Variants in APBB1IP observed in about 807,000 individuals in gnomAD.
The protein encoded by APBB1IP is amyloid beta precursor protein binding family B member 1 interacting protein.
A neutral mutation model predicts 64.9 loss-of-function variants in APBB1IP; 27 were observed. That is an observed-to-expected ratio of 0.42 (90% CI 0.31 to 0.57). The LOEUF (loss-of-function observed/expected upper bound fraction) is 0.57, where lower values mean the gene tolerates loss of function less well. Among genes scored for constraint, APBB1IP ranks in the 20% least tolerant of loss-of-function variants. The probability of loss-of-function intolerance (pLI) is 0.20; values close to 1 mark genes in which losing one functional copy is unlikely to be tolerated. For synonymous variants in APBB1IP, 392 were observed against 331.0 expected (o/e 1.18, Z -2.00); for missense variants, 812 against 845.5 (o/e 0.96, Z 0.49).
chr10:26,455,252 G>A (rs1205434370), intron 2 of APBB1IP, among the ~76,000 whole-genome samples: 8 of 152,180 alleles, frequency 5.3e-5, no homozygotes, highest in Non-Finnish European at 1.0e-4. Flanking sequence ...AGTCAGGCCT[G>A]GGCACAGTGG....
At chr10:26,559,988 T>C in intron 11 of APBB1IP, 117 bp from the exon 12 acceptor site, 1 of 796,240 alleles carries the variant, frequency 1.3e-6, no homozygotes, top group South Asian at 1.5e-5. Context: ...CAACCAGTAA[T>C]TTTTGCCACA....
At chr10:26,502,024 A>G (rs934766797) in intron 5 of APBB1IP, 1 of 152,250 alleles carries the variant, frequency 6.6e-6, no homozygotes, top group African/African-American at 2.4e-5. Context: ...TGTATGGTCC[A>G]TGAAGATTTC....
At chr10:26,505,401 C>T (rs558709023) in intron 6 of APBB1IP, among the ~76,000 whole-genome samples, 68 of 152,178 alleles carry the variant, frequency 4.5e-4, no homozygotes, top group Admixed American at 9.2e-4. Context: ...TGGAACTCCA[C>T]GTCCTCATCT....
chr10:26,552,716 A>G (rs767501753), intron 11 of APBB1IP, among the ~76,000 whole-genome samples: 4 of 152,142 alleles, frequency 2.6e-5, no homozygotes, highest in Non-Finnish European at 4.4e-5. Context: ...TTCTAAATTT[A>G]TCCCACGCAG....
intron 6 of APBB1IP, among the ~76,000 whole-genome samples, chr10:26,505,157 C>T (rs571933027): frequency 6.4e-4 from 97 of 152,272 alleles, no homozygotes; most frequent in African/African-American, 2.0e-3. Context: ...TAGGGCTTTA[C>T]GCTTTCTATT....
chr10:26,467,126 G>T (rs540569864), intron 2 of APBB1IP, among the ~76,000 whole-genome samples: 228 of 151,874 alleles, frequency 1.5e-3, no homozygotes, highest in Non-Finnish European at 1.8e-3. Flanking sequence ...GGCTGGTCTC[G>T]AACTCCTGGC....
chr10:26,518,549 T>A (rs1227461938), intron 8 of APBB1IP, among the ~76,000 whole-genome samples: 31 of 152,234 alleles, frequency 2.0e-4, no homozygotes, highest in Admixed American at 2.0e-3. Context: ...GTATGAGAAT[T>A]CCTGTTGTTC....
At chr10:26,471,928 C>T (rs955620263) in intron 2 of APBB1IP, among the ~76,000 whole-genome samples, 1 of 152,170 alleles carries the variant, frequency 6.6e-6, no homozygotes, top group East Asian at 1.9e-4. Flanking sequence ...CATGATCCGC[C>T]CTCCTCGGCC....
At chr10:26,508,036 C>T (rs1035664433) in intron 6 of APBB1IP, among the ~76,000 whole-genome samples, 6 of 152,170 alleles carry the variant, frequency 3.9e-5, no homozygotes, top group Admixed American at 2.0e-4. Context: ...AAGAAAATTA[C>T]GAAGACAAGT....
At chr10:26,496,263 T>C in intron 3 of APBB1IP, 41 bp from the exon 4 acceptor site, 1 of 1,451,996 alleles carries the variant, frequency 6.9e-7, no homozygotes, top group Non-Finnish European at 9.7e-7. Flanking sequence ...CAGAAATGTT[T>C]GTATCATGAA....
rs1251398677 is a variant in APBB1IP at position 26,536,596 on chromosome 10, T to TC, written c.1044+379_1044+380insC. 6.0e-5 allele frequency among the ~76,000 whole-genome samples: 9 copies of TC among 151,202 alleles called. 1 individual carries two copies. Among genetic ancestry groups the TC allele is most frequent in the African/African-American group, 1.5e-4 (6 of 41,140 alleles). On this transcript the variant is annotated intron_variant, in intron 10 of 14. Transcript: ENST00000376236. ...AAATCTTGATAAGATTTTCTTTCTTTTTTTTTTTTTCTTTTGAGATAGTCT... is the reference window on the plus strand; with the variant it reads ...AAATCTTGATAAGATTTTCTTTCTTTCTTTTTTTTTTCTTTTGAGATAGTCT...
At chr10:26,450,588 C>A (rs1835454391) in intron 2 of APBB1IP, among the ~76,000 whole-genome samples, 1 of 151,894 alleles carries the variant, frequency 6.6e-6, no homozygotes, top group Non-Finnish European at 1.5e-5. Flanking sequence ...CTTTGTTAAG[C>A]AGTTTTGGAC....
At chr10:26,562,494 C>A in intron 14 of APBB1IP, 65 bp downstream of exon 14, 2 of 1,386,334 alleles carry the variant, frequency 1.4e-6, no homozygotes, top group Non-Finnish European at 2.0e-6. Flanking sequence ...ATTCCAGTAA[C>A]TGCTCTTTTA....
intron 2 of APBB1IP, among the ~76,000 whole-genome samples, chr10:26,482,120 C>T (rs1016569228): frequency 1.3e-5 from 2 of 152,108 alleles, no homozygotes; most frequent in African/African-American, 4.8e-5. Context: ...CTGAATTGAT[C>T]ATATGACCAC....
chr10:26,503,635 AAAAACAAG>A (rs1836134691), intron 6 of APBB1IP, among the ~76,000 whole-genome samples: 1 of 152,196 alleles, frequency 6.6e-6, no homozygotes, highest in African/African-American at 2.4e-5. Context: ...ATTCCATCTC[AAAAACAAG>A]AAAAAAAGAA....
At chr10:26,532,217 A>G (rs920186236) in intron 8 of APBB1IP, among the ~76,000 whole-genome samples, 2 of 152,130 alleles carry the variant, frequency 1.3e-5, no homozygotes, top group Non-Finnish European at 2.9e-5. Flanking sequence ...TTTGTTATGT[A>G]TTATTTTGTA....
intron 11 of APBB1IP, among the ~76,000 whole-genome samples, chr10:26,548,371 T>C (rs1836792897): frequency 7.2e-6 from 1 of 139,032 alleles, no homozygotes; most frequent in African/African-American, 2.7e-5. Context: ...CGGTGTGTGA[T>C]GTTCCCCTTC....
chr10:26,442,578 A>G (rs569614686), intron 2 of APBB1IP, among the ~76,000 whole-genome samples: 1 of 152,324 alleles, frequency 6.6e-6, no homozygotes, highest in South Asian at 2.1e-4. Context: ...CATCACATCA[A>G]ACTGGAGAGA....
intron 8 of APBB1IP, among the ~76,000 whole-genome samples, chr10:26,518,796 G>C (rs116446745): frequency 0.011 from 1,691 of 152,252 alleles, 46 homozygotes; most frequent in African/African-American, 0.039. Context: ...TGCCCTGAGG[G>C]GAAGTGTGGC....
Sources: gnomAD v4.1 joint callset for allele counts (sites outside exome capture counted in the v4.1 genomes callset) on GRCh38, gnomAD v4.1.1 for gene constraint, MANE v1.5 for transcripts, NCBI Gene and HGNC (gene_info 2026-07-23, HGNC 2026-07-21) for gene names.